Variants in ZNF266 observed in about 807,000 individuals in gnomAD.
The protein encoded by ZNF266 is zinc finger protein 1.
A neutral mutation model predicts 16.4 loss-of-function variants in ZNF266; 16 were observed. That is an observed-to-expected ratio of 0.98 (90% CI 0.66 to 1.48). ZNF266 has a LOEUF of 1.48. Ranked by LOEUF, ZNF266 falls within the 40% of genes most tolerant of loss-of-function variation. The pLI is 0.00. For missense variants in ZNF266, 738 were observed against 689.1 expected (o/e 1.07, Z -0.79); for synonymous variants, 262 against 237.9 (o/e 1.10, Z -0.93).
chr19:9,417,834 A>C lies in ZNF266; in HGVS notation c.310T>G (p.Phe104Val). 1 of 1,613,864 alleles carries C rather than the reference A, an allele frequency of 6.2e-7. No individual in the cohort carries two copies. Among genetic ancestry groups the C allele is most frequent in the African/African-American group, 1.3e-5 (1 of 75,040 alleles). ...GTCCTTTGTGAACACTCACCTTGGAAATCACCTCTCTGCACTGTCCTAGAC... is the reference window on the plus strand; with the variant it reads ...GTCCTTTGTGAACACTCACCTTGGACATCACCTCTCTGCACTGTCCTAGAC... ...EESRTVQRGD[F>V]QASEWKVQLK... Residue 104 changes from phenylalanine (F) to valine (V), a missense_variant, in exon 9 of 11, where the codon TTC becomes GTC. Coordinates refer to ENST00000592904, the MANE Select transcript of ZNF266 (RefSeq NM_001370374.1).
intron 5 of ZNF266, among the ~76,000 whole-genome samples, chr19:9,429,406 C>T (rs2071254744): frequency 6.6e-6 from 1 of 152,040 alleles, no homozygotes; most frequent in African/African-American, 2.4e-5. Context: ...TCAGGTACAG[C>T]TACATATCAT....
At position 9,418,565 on chromosome 19, in the gene ZNF266, T is replaced by C. The variant is rs1413873320; in HGVS notation, c.175A>G (p.Thr59Ala). The change falls in exon 8 of 11, where the codon ACT (threonine) becomes GCT (alanine). Residue 59 changes from threonine (T) to alanine (A), a missense_variant. Coordinates refer to ENST00000592904, the MANE Select transcript of ZNF266 (RefSeq NM_001370374.1). Reference protein sequence around the residue: ...TPEEWTLLDPTQRNLYRDVML... With the variant: ...TPEEWTLLDPAQRNLYRDVML... The stretch of plus-strand genomic sequence containing the variant: ...ACATCTCTGTAGAGGTTTCTCTGAG[T>C]TGGGTCCAGTAAAGTCCATTCTTCT... 1.2e-6 allele frequency: 2 copies of C among 1,613,994 alleles called. No homozygotes were observed. The highest frequency in any genetic ancestry group is 2.2e-5 in the East Asian group (1 of 44,900).
rs1416947895 is a variant in ZNF266, at chr19:9,413,751, A to G, written c.1375T>C (p.Ser459Pro). 1 of 1,614,052 alleles carries G rather than the reference A, an allele frequency of 6.2e-7. No homozygotes were observed. Among genetic ancestry groups the G allele is most frequent in the African/African-American group, 1.3e-5 (1 of 74,924 alleles). Residue 459 changes from serine to proline, a missense_variant, in exon 11 of 11, where the codon TCC (serine) becomes CCC (proline). By Grantham distance (74) the Ser-to-Pro change is moderately conservative. Coordinates refer to ENST00000592904, the MANE Select transcript of ZNF266 (RefSeq NM_001370374.1). ...CTTGTATGTTCACTAAGGCGAGAGG[A>G]TCTGGCAAAGGCCTTTCCACATTCC... The part of the protein sequence containing the change: ...CKECGKAFAR[S>P]SRLSEHTRTH...
chr19:9,414,345 T>A lies in ZNF266; in HGVS notation c.781A>T (p.Ile261Phe), dbSNP rs1249182726. 3.1e-6 allele frequency: 5 copies of A among 1,614,108 alleles called. No individual in the cohort carries two copies. Among genetic ancestry groups the A allele is most frequent in the Middle Eastern group, 1.6e-4 (1 of 6,062 alleles). The change falls in exon 11 of 11, where the codon ATT becomes TTT. Residue 261 changes from isoleucine (I) to phenylalanine (F), a missense_variant. Ile to Phe is a conservative substitution (Grantham distance 21). Transcript: ENST00000592904. ...HEWKECGRGF[I>F]HSTDLAVRIQ... ...CGCACAGCAAGGTCTGTGGAGTGAATAAAGCCTCTCCCACATTCCTTCCAT... is the reference window on the plus strand; with the variant it reads ...CGCACAGCAAGGTCTGTGGAGTGAAAAAAGCCTCTCCCACATTCCTTCCAT...
intron 5 of ZNF266, among the ~76,000 whole-genome samples, chr19:9,423,715 GC>G (rs1298468552): frequency 6.6e-6 from 1 of 152,180 alleles, no homozygotes; most frequent in Non-Finnish European, 1.5e-5. Context: ...TGATGAGTAG[GC>G]CAGGCGCGGT....
At chr19:9,428,051 C>A (rs1326584600) in intron 5 of ZNF266, among the ~76,000 whole-genome samples, 1 of 152,182 alleles carries the variant, frequency 6.6e-6, no homozygotes, top group Non-Finnish European at 1.5e-5. Context: ...TAAATGCCTG[C>A]TGGAGTCTCT....
Position 9,435,152 on chromosome 19 carries a change from A to G in ZNF266, c.-516T>C, listed in dbSNP as rs1230254967. The G allele has an allele frequency of 1.8e-5, 2 of 109,658 alleles. No individual in the cohort carries two copies. Among genetic ancestry groups the G allele is most frequent in the African/African-American group, 7.6e-5 (2 of 26,350 alleles). The allele number at this position is 109,658 out of a possible 1,614,324, so 6.8% of individuals were successfully genotyped here. A position where few individuals can be genotyped will look rare whatever the true frequency, so the allele number is the denominator to read the frequency against. ...CAGGTACGGGAGATTGGGGGGATGA[A>G]GGACCAGTCAACCTGATTCGAACGA... is the stretch of plus-strand genomic sequence containing the variant. On this transcript the variant is annotated 5_prime_UTR_variant, in exon 2 of 11. Transcript: ENST00000592904.
At chr19:9,427,692 A>G (rs2070962418) in intron 5 of ZNF266, among the ~76,000 whole-genome samples, 1 of 151,920 alleles carries the variant, frequency 6.6e-6, no homozygotes, top group African/African-American at 2.4e-5. Context: ...CTCTCCCTCC[A>G]ATGGGACACA....
At position 9,435,108 on chromosome 19, in the gene ZNF266, C is replaced by T. The variant is rs1440724139; in HGVS notation, c.-472G>A. 1 of 152,036 alleles carries T rather than the reference C, an allele frequency of 6.6e-6. No homozygotes were observed. Among genetic ancestry groups the T allele is most frequent in the Non-Finnish European group, 1.5e-5 (1 of 68,028 alleles). The allele number at this position is 152,036 out of a possible 1,614,324, so 9.4% of individuals were successfully genotyped here. On this transcript the variant is annotated splice_region_variant and 5_prime_UTR_variant, in exon 2 of 11. Coordinates refer to ENST00000592904, the MANE Select transcript of ZNF266 (RefSeq NM_001370374.1). ...AACCAACTTTCACCCCAGTACTCACCGCGACGAGCTGGACTCGCCAGGTAC... is the reference window on the plus strand; with the variant it reads ...AACCAACTTTCACCCCAGTACTCACTGCGACGAGCTGGACTCGCCAGGTAC...
intron 5 of ZNF266, among the ~76,000 whole-genome samples, chr19:9,425,057 C>T (rs911652724): frequency 6.6e-6 from 1 of 152,182 alleles, no homozygotes; most frequent in Non-Finnish European, 1.5e-5. Context: ...GTTTGTTATA[C>T]AGCCTGCTTG....
At position 9,434,154 on chromosome 19, in the gene ZNF266, C is replaced by T. The variant is rs945676342; in HGVS notation, c.-328G>A. On this transcript the variant is annotated 5_prime_UTR_variant, in exon 4 of 11. Coordinates refer to ENST00000592904, the MANE Select transcript of ZNF266 (RefSeq NM_001370374.1). ...AATTCACAGAATGCTTTGCCCAGCT[C>T]TTATTTCCTTCCCCTTCAGTATGGC... is the stretch of plus-strand genomic sequence containing the variant. 4 of 152,202 alleles carry T rather than the reference C, an allele frequency of 2.6e-5. No individual in the cohort carries two copies. The highest frequency in any genetic ancestry group is 4.8e-5 in the African/African-American group (2 of 41,446). The allele number at this position is 152,202 out of a possible 1,614,324, so 9.4% of individuals were successfully genotyped here. A position where few individuals can be genotyped will look rare whatever the true frequency, so the allele number is the denominator to read the frequency against.
In ZNF266 at chr19:9,414,762, A is replaced by G. The variant is rs200078909; in HGVS notation, c.406-42T>C. 3.8e-5 allele frequency: 57 copies of G among 1,503,284 alleles called. No homozygotes were observed. In the East Asian group the frequency reaches 1.2e-3, roughly 32 times the overall value. The allele number at this position is 1,503,284 out of a possible 1,614,324, so 93.1% of individuals were successfully genotyped here. A position where few individuals can be genotyped will look rare whatever the true frequency, so the allele number is the denominator to read the frequency against. On this transcript the variant is annotated intron_variant, in intron 10 of 10. Transcript: ENST00000592904. The stretch of plus-strand genomic sequence containing the variant: ...GAATGATGATTAAAGGACGGTTCAG[A>G]TTGATTAACAGATTCCACTCATCTG...
At chr19:9,427,706 C>A (rs560763731) in intron 5 of ZNF266, among the ~76,000 whole-genome samples, 2 of 152,076 alleles carry the variant, frequency 1.3e-5, no homozygotes, top group Non-Finnish European at 2.9e-5. Flanking sequence ...GGACACAACA[C>A]ACCTTTTCCA....
At chr19:9,425,001 C>T (rs1042158367) in intron 5 of ZNF266, among the ~76,000 whole-genome samples, 1 of 152,052 alleles carries the variant, frequency 6.6e-6, no homozygotes, top group Admixed American at 6.6e-5. Context: ...GCTCCAATAC[C>T]CCCATCGTCT....
intron 3 of ZNF266, among the ~76,000 whole-genome samples, chr19:9,434,539 A>G (rs537421312): frequency 6.6e-6 from 1 of 152,358 alleles, no homozygotes; most frequent in East Asian, 1.9e-4. Flanking sequence ...AAGACAATAT[A>G]ACGGATAAAC....
In ZNF266 at chr19:9,413,248, G is replaced by A. The variant is rs2068476214; in HGVS notation, c.*27C>T. 1 of 1,540,410 alleles carries A rather than the reference G, an allele frequency of 6.5e-7. No individual in the cohort carries two copies. Among genetic ancestry groups the A allele is most frequent in the Non-Finnish European group, 8.7e-7 (1 of 1,146,334 alleles). ...GTTTTCATGTCTTCAGAGAGAACAG[G>A]GACACCTTTAGGTTTTCCCACATTC... On this transcript the variant is annotated 3_prime_UTR_variant, in exon 11 of 11. Coordinates refer to ENST00000592904, the MANE Select transcript of ZNF266 (RefSeq NM_001370374.1).
chr19:9,421,864 T>G (rs952723292), intron 5 of ZNF266, among the ~76,000 whole-genome samples: 1 of 151,762 alleles, frequency 6.6e-6, no homozygotes, highest in Non-Finnish European at 1.5e-5. Context: ...TTTTTTTTTT[T>G]CTTTTGAGAC....
chr19:9,433,503 G>T (rs1207157259), intron 5 of ZNF266, among the ~76,000 whole-genome samples, 165 bp downstream of exon 5: 1 of 152,118 alleles, frequency 6.6e-6, no homozygotes, highest in Non-Finnish European at 1.5e-5. Context: ...TATTTCCTAA[G>T]ACTAATAATT....
intron 9 of ZNF266, among the ~76,000 whole-genome samples, chr19:9,416,798 A>G (rs1404636900): frequency 6.9e-6 from 1 of 144,832 alleles, no homozygotes. Flanking sequence ...CAGCCTCCCT[A>G]GTAGCTGGGA....
Sources: allele counts gnomAD v4.1 joint callset (sites outside exome capture counted in the v4.1 genomes callset), GRCh38; gene constraint gnomAD v4.1.1; transcripts MANE v1.5; gene names NCBI Gene and HGNC (gene_info 2026-07-23, HGNC 2026-07-21).